ZNF362: variants seen among roughly 807,000 people sequenced by gnomAD.
ZNF362 encodes the protein rotund homolog.
In ZNF362, 11 loss-of-function variants were observed where a neutral mutation model predicts 42.9. The ratio of observed to expected loss-of-function variants is 0.26; its 90% CI spans 0.16 to 0.42. The LOEUF is 0.42. ZNF362 is among the 20% of genes least tolerant of loss of function. ZNF362 has a pLI of 1.00. For synonymous variants in ZNF362, 255 were observed against 257.3 expected, an observed-to-expected ratio of 0.99 and a Z score of 0.09; for missense variants, 362 against 576.2, an observed-to-expected ratio of 0.63 and a Z score of 3.81.
At chr1:33,166,647 G>A in the ZNF362 span, among the ~76,000 whole-genome samples, 2 of 152,168 alleles carry the variant, frequency 1.3e-5, no homozygotes, top group Admixed American at 1.3e-4. Context: ...TGGTAAAGAA[G>A]GAATTGGAAC....
At chr1:33,201,324 C>T in the ZNF362 span, among the ~76,000 whole-genome samples, 10,186 of 152,276 alleles carry the variant, frequency 0.067, 473 homozygotes, top group Non-Finnish European at 0.096. Flanking sequence ...CTTCATCCAA[C>T]ATCAGCAAAG....
the ZNF362 span, chr1:33,146,488 T>A: frequency 6.3e-6 from 1 of 159,514 alleles, no homozygotes; most frequent in Non-Finnish European, 1.4e-5. Context: ...CAGCTTTGGG[T>A]ATACCCTCAC....
the ZNF362 span, among the ~76,000 whole-genome samples, chr1:33,235,873 G>A: frequency 6.6e-6 from 1 of 152,216 alleles, no homozygotes; most frequent in Admixed American, 6.5e-5. Context: ...TCTTGTCAAT[G>A]CTGTTCCTCC....
At chr1:33,165,631 C>G in the ZNF362 span, 2 of 1,419,384 alleles carry the variant, frequency 1.4e-6, no homozygotes, top group Non-Finnish European at 1.9e-6. The surrounding 1 kb of genome is among the most constrained non-coding windows in gnomAD (Gnocchi z 4.0). Flanking sequence ...TCAGCCCTGA[C>G]CACTGCCAGG....
the ZNF362 span, among the ~76,000 whole-genome samples, chr1:33,236,548 A>ATATATATAT: frequency 8.3e-4 from 5 of 5,998 alleles, no homozygotes; most frequent in Non-Finnish European, 2.1e-3. Flanking sequence ...AAAAAAAAAA[A>ATATATATAT]AAATATATAT....
At chr1:33,154,696 G>T in the ZNF362 span, among the ~76,000 whole-genome samples, 1 of 151,720 alleles carries the variant, frequency 6.6e-6, no homozygotes, top group Non-Finnish European at 1.5e-5. Flanking sequence ...TACTTGGGAG[G>T]CCGAGGCAGG....
chr1:33,179,756 A>G, the ZNF362 span, among the ~76,000 whole-genome samples: 1 of 152,186 alleles, frequency 6.6e-6, no homozygotes, highest in Non-Finnish European at 1.5e-5. Context: ...AGCCAGGTAC[A>G]TGGGGCTGCT....
the ZNF362 span, chr1:33,181,691 G>T: frequency 1.8e-6 from 1 of 553,902 alleles, no homozygotes; most frequent in East Asian, 3.6e-5. The surrounding 1 kb of genome is among the most constrained non-coding windows in gnomAD (Gnocchi z 6.5). Context: ...TGGGCGCTGG[G>T]AGGAGGCTGT....
chr1:33,242,033 G>T, the ZNF362 span, among the ~76,000 whole-genome samples: 1 of 152,202 alleles, frequency 6.6e-6, no homozygotes, highest in Admixed American at 6.6e-5. Context: ...GGATGAGACA[G>T]CATCAGTCCA....
chr1:33,155,284 C>A, the ZNF362 span, among the ~76,000 whole-genome samples: 2 of 151,852 alleles, frequency 1.3e-5, no homozygotes, highest in Non-Finnish European at 2.9e-5. Flanking sequence ...GTTGGCCAGG[C>A]TGGTCTCGAA....
In ZNF362 at chr1:33,297,011, C is replaced by T. The variant is rs559712010; in HGVS notation, c.1146+1706C>T. 1.2e-3 allele frequency among the ~76,000 whole-genome samples: 186 copies of T among 152,162 alleles called. 1 individual carries two copies. The highest frequency in any genetic ancestry group is 2.2e-3 in the Non-Finnish European group (147 of 68,010). ...AAGGTCACTCTGGCTGGAGGCTGTT[C>T]ATGGATCATAGGTGGGGTTGTTGGC... is the stretch of plus-strand genomic sequence containing the variant. On this transcript the variant is annotated intron_variant, in intron 8 of 8. Coordinates refer to ENST00000539719, the MANE Select transcript of ZNF362 (RefSeq NM_152493.3).
chr1:33,176,376 T>C, the ZNF362 span: 6 of 679,838 alleles, frequency 8.8e-6, no homozygotes, highest in Non-Finnish European at 1.6e-5. Flanking sequence ...GGTGGCTGCC[T>C]TGGTGTCACT....
At chr1:33,127,927 C>T in the ZNF362 span, among the ~76,000 whole-genome samples, 4 of 152,120 alleles carry the variant, frequency 2.6e-5, no homozygotes, top group Non-Finnish European at 5.9e-5. Flanking sequence ...GGACTCCTAC[C>T]CTCCACTGCC....
chr1:33,197,933 G>C, the ZNF362 span, among the ~76,000 whole-genome samples: 1 of 152,166 alleles, frequency 6.6e-6, no homozygotes, highest in Non-Finnish European at 1.5e-5. Context: ...CATAACTCTT[G>C]AGGCACTGTG....
At chr1:33,243,108 ATTATGTTATGTTATG>A in the ZNF362 span, among the ~76,000 whole-genome samples, 1,275 of 144,548 alleles carry the variant, frequency 8.8e-3, 17 homozygotes, top group Non-Finnish European at 0.011. Flanking sequence ...CACAACTGTT[ATTATGTTATGTTATG>A]TTATGTTATG....
At chr1:33,252,979 T>G (rs1645769097), upstream of ZNF362, among the ~76,000 whole-genome samples, 1 of 151,834 alleles carries the variant, frequency 6.6e-6, no homozygotes, top group South Asian at 2.1e-4. Context: ...ATGAGTGTGT[T>G]GCCAGCAGTG....
chr1:33,221,764 G>A, the ZNF362 span, among the ~76,000 whole-genome samples: 1 of 152,100 alleles, frequency 6.6e-6, no homozygotes, highest in Non-Finnish European at 1.5e-5. Flanking sequence ...TTAACTTTAA[G>A]GTGTGTCTGA....
At chr1:33,171,014 G>A in the ZNF362 span, among the ~76,000 whole-genome samples, 1 of 152,284 alleles carries the variant, frequency 6.6e-6, no homozygotes, top group South Asian at 2.1e-4. Flanking sequence ...CTGTGTCCAG[G>A]TGGCCCCTCC....
chr1:33,160,014 A>G, the ZNF362 span: 1 of 1,560,860 alleles, frequency 6.4e-7, no homozygotes. Flanking sequence ...GAGAGGAGGA[A>G]ATCGAGAGCC....
Sources: gnomAD v4.1 joint callset for allele counts (sites outside exome capture counted in the v4.1 genomes callset) on GRCh38, gnomAD v4.1.1 for gene constraint, Gnocchi (gnomAD v3.1) non-coding constraint, MANE v1.5 for transcripts, NCBI Gene and HGNC (gene_info 2026-07-23, HGNC 2026-07-21) for gene names.